The following LINGO2 variants were observed in gnomAD, a reference collection of about 807,000 sequenced individuals.
The protein encoded by LINGO2 is leucine-rich repeat and immunoglobulin-like domain-containing nogo receptor-interacting protein 2.
A neutral mutation model predicts 30.6 loss-of-function variants in LINGO2; 14 were observed. The observed-to-expected ratio is 0.46, with a 90% CI of 0.30 to 0.72. LINGO2 has a LOEUF of 0.72. LINGO2 is among the 30% of genes least tolerant of loss of function. LINGO2 has a pLI of 0.07. For synonymous variants in LINGO2, 317 were observed against 288.5 expected (o/e 1.10, Z -1.00); for missense variants, 729 against 751.7 (o/e 0.97, Z 0.35).
At chr9:28,446,018 A>T (rs1824412377) in intron 2 of LINGO2, among the ~76,000 whole-genome samples, 1 of 152,250 alleles carries the variant, frequency 6.6e-6, no homozygotes, top group South Asian at 2.1e-4. Context: ...CAATTTTGAT[A>T]TTATTAAGCA....
Position 28,029,663 on chromosome 9 carries a change from TGA to T in LINGO2, c.-86-17260_-86-17259del, listed in dbSNP as rs1300586851. On this transcript the variant is annotated intron_variant, in intron 4 of 5. Coordinates refer to ENST00000379992, the Ensembl canonical transcript of LINGO2. The stretch of plus-strand genomic sequence containing the variant: ...ATAACTGATACGTTTAAGAATTTAT[TGA>T]GATAGTCAAAACTAATAATTAGTCA... 9.9e-5 allele frequency among the ~76,000 whole-genome samples: 15 copies of T among 152,168 alleles called. 1 individual carries two copies. Among genetic ancestry groups the T allele is most frequent in the East Asian group, 9.6e-4 (5 of 5,202 alleles).
intron 5 of LINGO2, among the ~76,000 whole-genome samples, chr9:27,997,579 T>C (rs1417723408): frequency 1.3e-5 from 2 of 152,360 alleles, no homozygotes; most frequent in East Asian, 3.9e-4. Context: ...TTCTTTACTC[T>C]TTAATTGAAT....
At chr9:28,714,534 C>G in the LINGO2 span, among the ~76,000 whole-genome samples, 1 of 152,042 alleles carries the variant, frequency 6.6e-6, no homozygotes, top group Admixed American at 6.6e-5. Flanking sequence ...GATGGCAGAG[C>G]CTTTTCAGCC....
the LINGO2 span, among the ~76,000 whole-genome samples, chr9:29,063,167 C>CA: frequency 0.4 from 60,732 of 151,730 alleles, 12,302 homozygotes; most frequent in East Asian, 0.54. Flanking sequence ...ATTTAGTCCT[C>CA]TGGGAATTAT....
intron 5 of LINGO2, among the ~76,000 whole-genome samples, chr9:27,996,231 G>A (rs1286232113): frequency 2.0e-5 from 3 of 151,956 alleles, no homozygotes; most frequent in Non-Finnish European, 2.9e-5. Context: ...CAGTATAAAG[G>A]TTCTTCAAAA....
the LINGO2 span, among the ~76,000 whole-genome samples, chr9:29,198,169 A>C: frequency 6.6e-6 from 1 of 152,154 alleles, no homozygotes; most frequent in Non-Finnish European, 1.5e-5. Context: ...TGGTCTGTAG[A>C]ACAAGATGTT....
In LINGO2 at chr9:28,000,234, A is replaced by G. The variant is rs1006006149; in HGVS notation, c.-36+12121T>C. On this transcript the variant is annotated intron_variant, in intron 5 of 5. Coordinates refer to ENST00000379992, the Ensembl canonical transcript of LINGO2. ...GCCATATGGCACAGCTCCAAAATCAACTTGTAAGCTTTTTGGTAACTTGAA... is the reference window on the plus strand; with the variant it reads ...GCCATATGGCACAGCTCCAAAATCAGCTTGTAAGCTTTTTGGTAACTTGAA... 2.0e-5 allele frequency among the ~76,000 whole-genome samples: 3 copies of G among 152,186 alleles called. No homozygotes were observed. In the South Asian group the frequency reaches 6.2e-4, roughly 31 times the overall value.
At chr9:28,647,650 C>T (rs764293204) in intron 1 of LINGO2, among the ~76,000 whole-genome samples, 1 of 151,994 alleles carries the variant, frequency 6.6e-6, no homozygotes, top group Non-Finnish European at 1.5e-5. Flanking sequence ...TAAAATTTCA[C>T]CTTAGTCTCT....
At chr9:28,045,186 AC>A (rs981202439) in intron 4 of LINGO2, among the ~76,000 whole-genome samples, 50 of 152,222 alleles carry the variant, frequency 3.3e-4, no homozygotes, top group African/African-American at 1.1e-3. Context: ...AAACCCACAC[AC>A]ACACAAACTA....
At chr9:29,121,765 C>G in the LINGO2 span, among the ~76,000 whole-genome samples, 1 of 152,026 alleles carries the variant, frequency 6.6e-6, no homozygotes, top group Non-Finnish European at 1.5e-5. Context: ...ACTCCAGCTT[C>G]CCTTCTAGCT....
rs61656726 is a variant in LINGO2 at position 28,355,363 on chromosome 9, C to CTGTG, written c.-246+17469_-246+17472dup. 2.5e-3 allele frequency among the ~76,000 whole-genome samples: 290 copies of CTGTG among 115,392 alleles called. 5 individuals are homozygous for CTGTG. The highest frequency in any genetic ancestry group is 8.7e-3 in the African/African-American group (256 of 29,322). 75.7% of individuals were successfully genotyped at this position (115,392 alleles called of 152,430 possible). On this transcript the variant is annotated intron_variant, in intron 3 of 5. Transcript: ENST00000379992. ...TCTCTCTCTCTCTCTCTCCCTCCCT[C>CTGTG]TGTGTGTGTGTGTGTGTGTGTGTGT... is the stretch of plus-strand genomic sequence containing the variant.
chr9:28,465,953 G>A (rs751056111), intron 2 of LINGO2, among the ~76,000 whole-genome samples: 1 of 152,040 alleles, frequency 6.6e-6, no homozygotes, highest in Non-Finnish European at 1.5e-5. Flanking sequence ...CCAAAAGACA[G>A]GCAATAACAA....
intron 4 of LINGO2, among the ~76,000 whole-genome samples, chr9:28,209,399 C>A (rs1022801279): frequency 2.6e-5 from 4 of 151,980 alleles, no homozygotes; most frequent in African/African-American, 9.6e-5. Context: ...GCTTTAATTT[C>A]CCTTGGGAAT....
chr9:28,494,449 T>A (rs931293590), intron 1 of LINGO2, among the ~76,000 whole-genome samples: 1 of 152,188 alleles, frequency 6.6e-6, no homozygotes, highest in Non-Finnish European at 1.5e-5. Context: ...TTCCCACTTT[T>A]GAGTGAGAAC....
At chr9:28,910,748 C>A in the LINGO2 span, among the ~76,000 whole-genome samples, 2 of 151,860 alleles carry the variant, frequency 1.3e-5, no homozygotes, top group Admixed American at 6.6e-5. Context: ...AACCATGAAC[C>A]AATTAAAGTT....
At chr9:28,264,669 C>G (rs1197061341) in intron 4 of LINGO2, among the ~76,000 whole-genome samples, 1 of 151,902 alleles carries the variant, frequency 6.6e-6, no homozygotes, top group East Asian at 1.9e-4. Context: ...GATTTGTATT[C>G]TAGCTCGGCC....
the LINGO2 span, among the ~76,000 whole-genome samples, chr9:28,998,619 C>T: frequency 6.6e-6 from 1 of 151,844 alleles, no homozygotes; most frequent in Non-Finnish European, 1.5e-5. Flanking sequence ...AAAATAGAAT[C>T]GGTACATCCT....
intron 1 of LINGO2, among the ~76,000 whole-genome samples, chr9:28,581,265 T>G (rs182958687): frequency 4.1e-4 from 63 of 151,868 alleles, no homozygotes; most frequent in Admixed American, 7.2e-4. Flanking sequence ...GTGTGTTTAA[T>G]GCCCAACAAC....
chr9:28,365,011 C>A (rs1820603921), intron 3 of LINGO2, among the ~76,000 whole-genome samples: 1 of 151,950 alleles, frequency 6.6e-6, no homozygotes, highest in South Asian at 2.1e-4. Flanking sequence ...AAAGATAAAC[C>A]CACAAAAACA....
Sources: allele counts gnomAD v4.1 joint callset (sites outside exome capture counted in the v4.1 genomes callset), GRCh38; gene constraint gnomAD v4.1.1; transcripts MANE v1.5; gene names NCBI Gene and HGNC (gene_info 2026-07-23, HGNC 2026-07-21).